Variants in DZIP3 observed in about 807,000 individuals in gnomAD.
DZIP3 encodes DAZ interacting zinc finger protein 3.
In DZIP3, 118 loss-of-function variants were observed where a neutral mutation model predicts 162.0. The observed-to-expected ratio is 0.73, with a 90% CI of 0.63 to 0.85. The LOEUF is 0.85. Among genes scored for constraint, DZIP3 ranks in the 40% least tolerant of loss-of-function variants. The pLI, the probability that DZIP3 is intolerant of heterozygous loss-of-function variation, is 0.00. For missense variants in DZIP3, 1,331 were observed against 1,407.0 expected (o/e 0.95, Z 0.86); for synonymous variants, 438 against 458.6 (o/e 0.96, Z 0.57).
intron 1 of DZIP3, among the ~76,000 whole-genome samples, chr3:108,604,678 T>C (rs1248769027): frequency 1.3e-5 from 2 of 152,188 alleles, no homozygotes; most frequent in African/African-American, 4.8e-5. Context: ...TATGGAGATG[T>C]AGAATCATGA....
chr3:108,634,552 A>G (rs1019740722), intron 9 of DZIP3, among the ~76,000 whole-genome samples: 1 of 152,056 alleles, frequency 6.6e-6, no homozygotes, highest in Non-Finnish European at 1.5e-5. Context: ...AAAAATGGAG[A>G]TGAAGATGGG....
chr3:108,654,813 A>C (rs1187332638), intron 19 of DZIP3, among the ~76,000 whole-genome samples: 1 of 152,156 alleles, frequency 6.6e-6, no homozygotes, highest in East Asian at 1.9e-4. Context: ...GTGAAGAGGC[A>C]TGTGAACATG....
intron 4 of DZIP3, among the ~76,000 whole-genome samples, chr3:108,615,643 G>A (rs1396047333): frequency 2.0e-5 from 3 of 152,174 alleles, no homozygotes; most frequent in Non-Finnish European, 4.4e-5. Flanking sequence ...AACAGATTAT[G>A]TAATATAAAC....
At chr3:108,631,055 A>ATACACACTCTCTCT (rs1553705360) in intron 8 of DZIP3, among the ~76,000 whole-genome samples, 2 of 18,006 alleles carry the variant, frequency 1.1e-4, no homozygotes, top group African/African-American at 5.6e-4. Flanking sequence ...ACACACACAC[A>ATACACACTCTCTCT]CTCTCTCTCT....
intron 9 of DZIP3, among the ~76,000 whole-genome samples, chr3:108,634,511 T>C (rs569695833): frequency 6.6e-6 from 1 of 152,152 alleles, no homozygotes; most frequent in Non-Finnish European, 1.5e-5. Context: ...AGTAATGGTA[T>C]GGAGCTGGGG....
chr3:108,601,548 C>A (rs960870881), intron 1 of DZIP3, among the ~76,000 whole-genome samples: 1 of 152,178 alleles, frequency 6.6e-6, no homozygotes, highest in South Asian at 2.1e-4. Flanking sequence ...CACACCGATA[C>A]TCACTTTTTC....
At chr3:108,662,374 C>G (rs540230536) in intron 21 of DZIP3, 117 bp downstream of exon 21, 37 of 1,219,446 alleles carry the variant, frequency 3.0e-5, no homozygotes, top group Non-Finnish European at 3.7e-5. Context: ...GAACCTCAAC[C>G]ACACGACTGC....
At chr3:108,677,096 G>GT (rs1488134816) in intron 25 of DZIP3, among the ~76,000 whole-genome samples, 2 of 152,014 alleles carry the variant, frequency 1.3e-5, no homozygotes, top group African/African-American at 2.4e-5. Context: ...TTTGCAAGTA[G>GT]TTTAACTGCT....
chr3:108,662,884 A>G (rs1304167664), intron 21 of DZIP3, among the ~76,000 whole-genome samples: 3 of 152,210 alleles, frequency 2.0e-5, no homozygotes, highest in Non-Finnish European at 4.4e-5. Flanking sequence ...TTTGTAGCAC[A>G]TTATTTTAAT....
At chr3:108,672,026 C>T (rs1020950026) in intron 22 of DZIP3, among the ~76,000 whole-genome samples, 4 of 151,930 alleles carry the variant, frequency 2.6e-5, no homozygotes, top group African/African-American at 9.7e-5. Flanking sequence ...TATTTGGTAT[C>T]TGGTGAGGAT....
intron 8 of DZIP3, among the ~76,000 whole-genome samples, chr3:108,631,055 A>ACTCTCT (rs1270598841): frequency 0.026 from 473 of 17,920 alleles, 23 homozygotes; most frequent in East Asian, 0.12. Context: ...ACACACACAC[A>ACTCTCT]CTCTCTCTCT....
intron 26 of DZIP3, 94 bp downstream of exon 26, chr3:108,677,692 G>T: frequency 9.1e-7 from 1 of 1,103,308 alleles, no homozygotes; most frequent in Non-Finnish European, 1.4e-6. Flanking sequence ...TTTAACGTGT[G>T]TTCAAAATGG....
At chr3:108,675,565 A>T (rs534749629) in intron 24 of DZIP3, among the ~76,000 whole-genome samples, 1 of 152,020 alleles carries the variant, frequency 6.6e-6, no homozygotes, top group South Asian at 2.1e-4. Context: ...GGAAGCATCA[A>T]TTTTATTTGC....
chr3:108,675,726 T>G, intron 24 of DZIP3, 60 bp from the exon 25 acceptor site: 1 of 1,462,024 alleles, frequency 6.8e-7, no homozygotes, highest in Non-Finnish European at 9.3e-7. Flanking sequence ...TAGACATGTT[T>G]GGAAACCTAA....
chr3:108,600,775 A>G (rs987128633), intron 1 of DZIP3, among the ~76,000 whole-genome samples: 31 of 152,074 alleles, frequency 2.0e-4, no homozygotes, highest in Admixed American at 6.5e-4. Flanking sequence ...TTACAACCCT[A>G]TGAAGGAGGT....
At chr3:108,590,148 T>C (rs959908463) in intron 1 of DZIP3, 4 of 152,228 alleles carry the variant, frequency 2.6e-5, no homozygotes, top group African/African-American at 9.6e-5. Context: ...TTTATAATTC[T>C]CGATGTCTAC....
chr3:108,604,110 T>A (rs1391266244), intron 1 of DZIP3, among the ~76,000 whole-genome samples: 1 of 152,236 alleles, frequency 6.6e-6, no homozygotes, highest in African/African-American at 2.4e-5. Flanking sequence ...AATTACCCTA[T>A]GCTGAATTAC....
chr3:108,651,240 C>A, intron 18 of DZIP3, 78 bp downstream of exon 18: 1 of 503,972 alleles, frequency 2.0e-6, no homozygotes, highest in Non-Finnish European at 2.7e-6. Context: ...CACAGGCTTC[C>A]TTCCTTTGGG....
At chr3:108,590,242 C>T (rs1304823730) in intron 1 of DZIP3, 1 of 152,190 alleles carries the variant, frequency 6.6e-6, no homozygotes, top group Non-Finnish European at 1.5e-5. Context: ...GAGTCAGTTA[C>T]TGGTTTTGGA....
Sources: gnomAD v4.1 joint callset for allele counts (sites outside exome capture counted in the v4.1 genomes callset) on GRCh38, gnomAD v4.1.1 for gene constraint, MANE v1.5 for transcripts, NCBI Gene and HGNC (gene_info 2026-07-23, HGNC 2026-07-21) for gene names.